The following DENND2C variants were observed in gnomAD, a reference collection of about 807,000 sequenced individuals.
DENND2C encodes the protein DENN domain containing 2C, also known as DENN domain-containing protein 2C.
DENND2C carries 72 observed loss-of-function variants against 112.4 expected under a neutral mutation model. The ratio of observed to expected loss-of-function variants is 0.64; its 90% CI spans 0.53 to 0.78. The LOEUF (loss-of-function observed/expected upper bound fraction) is 0.78, where lower values mean the gene tolerates loss of function less well. Among genes scored for constraint, DENND2C ranks in the 30% least tolerant of loss-of-function variants. The probability of loss-of-function intolerance (pLI) is 0.00; values close to 1 mark genes in which losing one functional copy is unlikely to be tolerated. For missense variants in DENND2C, 992 were observed against 1,113.8 expected (o/e 0.89, Z 1.56); for synonymous variants, 329 against 381.6 (o/e 0.86, Z 1.61).
chr1:114,623,589 C>A lies in DENND2C; in HGVS notation c.861G>T (p.Thr287=). 2 of 1,608,218 alleles carry A rather than the reference C, an allele frequency of 1.2e-6. No individual in the cohort carries two copies. The highest frequency in any genetic ancestry group is 1.7e-6 in the Non-Finnish European group (2 of 1,177,242). The change falls in exon 5 of 21, where the codon ACG becomes ACT. Residue 287 remains threonine (T), a synonymous_variant. Transcript: ENST00000393274. ...AATTTCTTCCAAGTTCTTCACGAAT[C>A]GTCTGTGAGTTCCGATTTCGAAAGT... ...IQHFRNRNSQ[T]IREELGRNSG...
intron 2 of DENND2C, among the ~76,000 whole-genome samples, chr1:114,649,239 G>A (rs989997800): frequency 1.3e-5 from 2 of 152,274 alleles, no homozygotes; most frequent in South Asian, 4.1e-4. Context: ...ACAGGTGTGA[G>A]CCATTGCACC....
At chr1:114,667,822 G>T (rs1657687373) in intron 1 of DENND2C, among the ~76,000 whole-genome samples, 1 of 152,126 alleles carries the variant, frequency 6.6e-6, no homozygotes, top group South Asian at 2.1e-4. Flanking sequence ...TATCTAGGTT[G>T]TCTAATCATG....
chr1:114,655,241 C>T (rs944476792), intron 1 of DENND2C, among the ~76,000 whole-genome samples: 2 of 152,084 alleles, frequency 1.3e-5, no homozygotes, highest in African/African-American at 4.8e-5. Flanking sequence ...GTCTATATAC[C>T]TTTCACTACA....
At chr1:114,610,333 C>T (rs1024170154) in intron 9 of DENND2C, among the ~76,000 whole-genome samples, 138 of 152,194 alleles carry the variant, frequency 9.1e-4, no homozygotes, top group African/African-American at 3.2e-3. Flanking sequence ...CTATAAATAA[C>T]AAATAGATAT....
intron 10 of DENND2C, 30 bp downstream of exon 10, chr1:114,608,656 C>T: frequency 6.2e-7 from 1 of 1,604,712 alleles, no homozygotes; most frequent in Non-Finnish European, 8.5e-7. Context: ...AGGAACATTC[C>T]TGAATGCCTC....
At chr1:114,597,691 G>A (rs186393690) in intron 16 of DENND2C, among the ~76,000 whole-genome samples, 7 of 152,034 alleles carry the variant, frequency 4.6e-5, no homozygotes, top group Non-Finnish European at 7.4e-5. Flanking sequence ...GCTGAGGCAC[G>A]ATAATTGCTT....
At chr1:114,622,248 G>A (rs1397783155) in intron 6 of DENND2C, among the ~76,000 whole-genome samples, 183 bp from the exon 7 acceptor site, 1 of 151,962 alleles carries the variant, frequency 6.6e-6, no homozygotes, top group East Asian at 1.9e-4. Context: ...TGAGCAGCTG[G>A]GACTACAGGC....
At chr1:114,596,198 C>A (rs1433845362) in intron 16 of DENND2C, among the ~76,000 whole-genome samples, 2 of 152,068 alleles carry the variant, frequency 1.3e-5, no homozygotes, top group Non-Finnish European at 2.9e-5. Flanking sequence ...CACAGTGAGA[C>A]CCTGTCTCTA....
intron 16 of DENND2C, among the ~76,000 whole-genome samples, chr1:114,596,883 T>G (rs1241707007): frequency 6.6e-6 from 1 of 151,998 alleles, no homozygotes; most frequent in South Asian, 2.1e-4. Context: ...CTACTTCACA[T>G]TATACACACA....
At chr1:114,586,480 A>G (rs1230291399) in intron 20 of DENND2C, among the ~76,000 whole-genome samples, 4 of 152,154 alleles carry the variant, frequency 2.6e-5, no homozygotes, top group Non-Finnish European at 5.9e-5. Flanking sequence ...AAATAAACTT[A>G]TATCAGGGAA....
At chr1:114,657,346 C>T (rs1028113816) in intron 1 of DENND2C, among the ~76,000 whole-genome samples, 34 of 152,010 alleles carry the variant, frequency 2.2e-4, no homozygotes, top group African/African-American at 8.0e-4. Flanking sequence ...TATTTTTATA[C>T]ATCATCATGT....
intron 15 of DENND2C, 110 bp from the exon 16 acceptor site, chr1:114,599,561 A>T: frequency 3.5e-6 from 3 of 861,886 alleles, no homozygotes; most frequent in Non-Finnish European, 3.2e-6. Flanking sequence ...ATCATAGATT[A>T]AAAACTATGC....
intron 2 of DENND2C, among the ~76,000 whole-genome samples, chr1:114,654,010 C>T (rs920239615): frequency 1.3e-5 from 2 of 152,128 alleles, no homozygotes; most frequent in Middle Eastern, 3.2e-3. Flanking sequence ...TATAAATTAA[C>T]TTTAATCTGT....
At chr1:114,588,348 T>G (rs1199923487) in intron 18 of DENND2C, among the ~76,000 whole-genome samples, 1 of 152,228 alleles carries the variant, frequency 6.6e-6, no homozygotes, top group Non-Finnish European at 1.5e-5. Context: ...CTCTATGCTC[T>G]TCTGATTTCC....
Position 114,625,547 on chromosome 1 carries a change from T to C in DENND2C, c.438A>G (p.Ser146=), listed in dbSNP as rs762686829. The change falls in exon 4 of 21, where the codon TCA becomes TCG. Residue 146 remains serine (S), a synonymous_variant. Transcript: ENST00000393274. ...TSLPPGNFYT[S]QILWKKIEAL... Reference sequence around the variant, plus strand: ...CTTCTATTTTCTTCCACAGTATTTGTGAGGTATAGAAGTTTCCTGGAGGTA... The same window carrying C: ...CTTCTATTTTCTTCCACAGTATTTGCGAGGTATAGAAGTTTCCTGGAGGTA... 3 of 1,614,016 alleles carry C rather than the reference T, an allele frequency of 1.9e-6. No individual in the cohort carries two copies. The South Asian group carries it at 3.3e-5, about 18-fold the overall frequency.
At chr1:114,637,559 C>A (rs956348717) in intron 3 of DENND2C, among the ~76,000 whole-genome samples, 2 of 151,726 alleles carry the variant, frequency 1.3e-5, no homozygotes, top group African/African-American at 4.8e-5. Flanking sequence ...CTCTGTCGCC[C>A]AGGTTGGAGT....
At chr1:114,633,659 TA>T (rs1344034193) in intron 3 of DENND2C, among the ~76,000 whole-genome samples, 4 of 151,666 alleles carry the variant, frequency 2.6e-5, no homozygotes, top group African/African-American at 9.7e-5. Context: ...AATGGAATTC[TA>T]AAAAAATAAT....
intron 1 of DENND2C, among the ~76,000 whole-genome samples, chr1:114,667,731 C>T (rs187375949): frequency 6.6e-6 from 1 of 152,248 alleles, no homozygotes; most frequent in African/African-American, 2.4e-5. Flanking sequence ...TTGTATCTCA[C>T]TCACAGAATT....
At chr1:114,669,337 T>C (rs1657725838) in intron 1 of DENND2C, among the ~76,000 whole-genome samples, 1 of 152,144 alleles carries the variant, frequency 6.6e-6, no homozygotes, top group Non-Finnish European at 1.5e-5. Flanking sequence ...AGGAAGTTAA[T>C]TTGGCCGAGG....
Sources: allele counts gnomAD v4.1 joint callset (sites outside exome capture counted in the v4.1 genomes callset), GRCh38; gene constraint gnomAD v4.1.1; transcripts MANE v1.5; gene names NCBI Gene and HGNC (gene_info 2026-07-23, HGNC 2026-07-21).